Variants in ZFAND3 observed in about 807,000 individuals in gnomAD.
ZFAND3 encodes the protein AN1-type zinc finger protein 3.
ZFAND3 carries 10 observed loss-of-function variants against 29.6 expected under a neutral mutation model. That is an observed-to-expected ratio of 0.34 (90% CI 0.21 to 0.57). ZFAND3 has a LOEUF of 0.57. Among genes scored for constraint, ZFAND3 ranks in the 20% least tolerant of loss-of-function variants. The probability of loss-of-function intolerance (pLI) is 0.86; values close to 1 mark genes in which losing one functional copy is unlikely to be tolerated. For missense variants in ZFAND3, 230 were observed against 304.5 expected, an observed-to-expected ratio of 0.76 and a Z score of 1.82; for synonymous variants, 128 against 112.6, an observed-to-expected ratio of 1.14 and a Z score of -0.87.
chr6:37,833,305 C>T (rs1047355330), intron 1 of ZFAND3: 2 of 152,050 alleles, frequency 1.3e-5, no homozygotes, highest in African/African-American at 2.4e-5. Flanking sequence ...CCTGTGTAAC[C>T]AGAAATAGCT....
rs28713195 is a variant in ZFAND3 at position 37,959,186 on chromosome 6, A to C, written c.112+29187A>C. ...TTTTGTGCTGGTTTTAACCAATGTGATGCAGCATAGCCTAACACAACACAG... is the reference window on the plus strand; with the variant it reads ...TTTTGTGCTGGTTTTAACCAATGTGCTGCAGCATAGCCTAACACAACACAG... On this transcript the variant is annotated intron_variant, in intron 2 of 5. Transcript: ENST00000287218. Among the ~76,000 whole-genome samples, 421 of 152,324 alleles carry C rather than the reference A, an allele frequency of 2.8e-3. 2 individuals are homozygous for C. Among genetic ancestry groups the C allele is most frequent in the African/African-American group, 9.7e-3 (402 of 41,584 alleles).
chr6:37,928,874 T>G (rs1761539597), intron 1 of ZFAND3, among the ~76,000 whole-genome samples: 2 of 152,208 alleles, frequency 1.3e-5, no homozygotes, highest in Admixed American at 1.3e-4. Context: ...TGCTGTCAGG[T>G]GCTGTGTTGT....
intron 2 of ZFAND3, among the ~76,000 whole-genome samples, chr6:38,021,957 TAGC>T (rs1763362080): frequency 6.6e-6 from 1 of 152,248 alleles, no homozygotes. Context: ...TTATATATCA[TAGC>T]AGACTTACAG....
chr6:37,835,437 G>A (rs563634661), intron 1 of ZFAND3, among the ~76,000 whole-genome samples: 6 of 150,442 alleles, frequency 4.0e-5, no homozygotes, highest in South Asian at 4.2e-4. Context: ...GATTACAGGC[G>A]TGAGCCACCA....
At chr6:37,930,410 T>C (rs986365016) in intron 2 of ZFAND3, among the ~76,000 whole-genome samples, 13 of 152,150 alleles carry the variant, frequency 8.5e-5, no homozygotes, top group Non-Finnish European at 1.6e-4. Context: ...AGATCCATCA[T>C]AGAGGCTGCC....
intron 1 of ZFAND3, among the ~76,000 whole-genome samples, chr6:37,902,853 A>G (rs1240317034): frequency 6.7e-6 from 1 of 148,462 alleles, no homozygotes; most frequent in Admixed American, 6.8e-5. Context: ...AGCTGGGACT[A>G]TATATAGGCA....
intron 2 of ZFAND3, among the ~76,000 whole-genome samples, chr6:38,054,001 T>C (rs1174879796): frequency 2.6e-5 from 4 of 151,744 alleles, no homozygotes; most frequent in African/African-American, 9.7e-5. Context: ...ATAGGGAACA[T>C]AGGATAGGAG....
chr6:37,916,937 T>A (rs1761270251), intron 1 of ZFAND3, among the ~76,000 whole-genome samples: 2 of 152,368 alleles, frequency 1.3e-5, no homozygotes, highest in Admixed American at 1.3e-4. Context: ...GTAGCTGTCC[T>A]GGTGATCAGG....
intron 1 of ZFAND3, among the ~76,000 whole-genome samples, chr6:37,857,203 T>G (rs1294558082): frequency 6.6e-6 from 1 of 152,212 alleles, no homozygotes; most frequent in Non-Finnish European, 1.5e-5. Context: ...AATGGAATCA[T>G]AAAAATAGCC....
intron 2 of ZFAND3, among the ~76,000 whole-genome samples, chr6:37,937,653 C>CAAAAAAAAAAA (rs71542151): frequency 1.3e-4 from 11 of 85,454 alleles, no homozygotes; most frequent in Admixed American, 1.6e-4. Context: ...GACTCCGTCT[C>CAAAAAAAAAAA]AAAAAAAAAA....
At chr6:38,141,905 A>G (rs914451231) in intron 5 of ZFAND3, among the ~76,000 whole-genome samples, 4 of 152,210 alleles carry the variant, frequency 2.6e-5, no homozygotes, top group Non-Finnish European at 5.9e-5. Flanking sequence ...TTCCTTGAGC[A>G]CATGCCGGGT....
chr6:37,887,101 A>G (rs1002169535), intron 1 of ZFAND3, among the ~76,000 whole-genome samples: 1 of 152,252 alleles, frequency 6.6e-6, no homozygotes, highest in African/African-American at 2.4e-5. Flanking sequence ...ATTATCAAGC[A>G]TAAAGAATGT....
chr6:38,038,963 C>T (rs560270407), intron 2 of ZFAND3, among the ~76,000 whole-genome samples: 78 of 152,128 alleles, frequency 5.1e-4, no homozygotes, highest in Non-Finnish European at 8.8e-4. Context: ...AGTAAAACTA[C>T]GGAGGTTGAA....
At chr6:37,896,985 A>T (rs2127399305) in intron 1 of ZFAND3, among the ~76,000 whole-genome samples, 3 of 152,254 alleles carry the variant, frequency 2.0e-5, no homozygotes, top group Admixed American at 2.0e-4. Context: ...TTTAAAATTT[A>T]TAATTTATTA....
chr6:37,970,202 G>A (rs1170797877), intron 2 of ZFAND3, among the ~76,000 whole-genome samples: 1 of 152,066 alleles, frequency 6.6e-6, no homozygotes, highest in Non-Finnish European at 1.5e-5. Flanking sequence ...AGGCTTGTTA[G>A]GATGTAAAGT....
At chr6:38,124,364 G>A (rs1034232921) in intron 5 of ZFAND3, among the ~76,000 whole-genome samples, 9 of 152,336 alleles carry the variant, frequency 5.9e-5, no homozygotes, top group Middle Eastern at 3.4e-3. Context: ...GGGACCGGGC[G>A]CCATGGAGCA....
chr6:37,957,864 T>C (rs890247257), intron 2 of ZFAND3, among the ~76,000 whole-genome samples: 1 of 152,164 alleles, frequency 6.6e-6, no homozygotes, highest in African/African-American at 2.4e-5. Flanking sequence ...TTTATGCATA[T>C]ACCTTTGGAG....
chr6:37,948,374 T>G (rs1011089028), intron 2 of ZFAND3, among the ~76,000 whole-genome samples: 2 of 152,268 alleles, frequency 1.3e-5, no homozygotes, highest in Non-Finnish European at 2.9e-5. Context: ...ATGTTATTTG[T>G]TGTGAAATTT....
At chr6:38,084,527 A>G (rs900201306) in intron 4 of ZFAND3, among the ~76,000 whole-genome samples, 20 of 152,352 alleles carry the variant, frequency 1.3e-4, no homozygotes, top group African/African-American at 4.1e-4. Flanking sequence ...AAATACATCA[A>G]TGAGTATTTT....
Sources: gnomAD v4.1 joint callset for allele counts (sites outside exome capture counted in the v4.1 genomes callset) on GRCh38, gnomAD v4.1.1 for gene constraint, MANE v1.5 for transcripts, NCBI Gene and HGNC (gene_info 2026-07-23, HGNC 2026-07-21) for gene names.